The following PLEKHA5 variants were observed in gnomAD, a reference collection of about 807,000 sequenced individuals.
PLEKHA5 encodes the protein pleckstrin homology domain containing A5.
PLEKHA5 carries 55 observed loss-of-function variants against 181.9 expected under a neutral mutation model. The ratio of observed to expected loss-of-function variants is 0.30; its 90% CI spans 0.24 to 0.38. The LOEUF is 0.38. PLEKHA5 is among the 10% of genes least tolerant of loss of function. The probability of loss-of-function intolerance (pLI) is 1.00; values close to 1 mark genes in which losing one functional copy is unlikely to be tolerated. For missense variants in PLEKHA5, 1,432 were observed against 1,549.5 expected (o/e 0.92, Z 1.27); for synonymous variants, 535 against 529.4 (o/e 1.01, Z -0.15).
intron 15 of PLEKHA5, among the ~76,000 whole-genome samples, chr12:19,307,737 A>G (rs1302309848): frequency 6.6e-6 from 1 of 152,040 alleles, no homozygotes; most frequent in Non-Finnish European, 1.5e-5. Context: ...CACATCAAAA[A>G]CGAGAGACAG....
intron 15 of PLEKHA5, among the ~76,000 whole-genome samples, chr12:19,305,844 A>G (rs192446444): frequency 7.5e-6 from 1 of 134,174 alleles, no homozygotes; most frequent in Non-Finnish European, 1.6e-5. Flanking sequence ...TGGGGCAACA[A>G]CAGCAAAACT....
chr12:19,290,391 T>A (rs2078162742), intron 13 of PLEKHA5, among the ~76,000 whole-genome samples: 1 of 152,256 alleles, frequency 6.6e-6, no homozygotes, highest in Non-Finnish European at 1.5e-5. Flanking sequence ...TAATGTTTTT[T>A]TGGCATTGTG....
chr12:19,199,297 T>G (rs2053652799), intron 3 of PLEKHA5, among the ~76,000 whole-genome samples: 1 of 152,182 alleles, frequency 6.6e-6, no homozygotes, highest in African/African-American at 2.4e-5. Context: ...AAAAAATGCC[T>G]TCTGTAGATA....
chr12:19,257,229 C>A (rs1294390758), intron 5 of PLEKHA5, among the ~76,000 whole-genome samples: 1 of 151,840 alleles, frequency 6.6e-6, no homozygotes, highest in East Asian at 1.9e-4. Context: ...CTTGTGATAC[C>A]CTGGGGGAAA....
chr12:19,211,958 A>G (rs532449735), intron 3 of PLEKHA5, among the ~76,000 whole-genome samples: 1 of 152,200 alleles, frequency 6.6e-6, no homozygotes, highest in African/African-American at 2.4e-5. Flanking sequence ...TTGGAAGGTC[A>G]GATAAACAAC....
At position 19,173,777 on chromosome 12, in the gene PLEKHA5, A is replaced by C. The variant is rs148096178; in HGVS notation, c.227+41327A>C. Among the ~76,000 whole-genome samples, 1,054 of 152,310 alleles carry C rather than the reference A, an allele frequency of 6.9e-3. 5 individuals carry two copies. Among genetic ancestry groups the C allele is most frequent in the Middle Eastern group, 0.027 (8 of 294 alleles). ...ATTTAAAAAGGCATCATGTATTTTT[A>C]TACTTTTTGAATTTGGCCAGGTCTC... On this transcript the variant is annotated intron_variant, in intron 3 of 31. Transcript: ENST00000429027.
At chr12:19,144,065 T>G (rs1211837465) in intron 3 of PLEKHA5, among the ~76,000 whole-genome samples, 2 of 152,178 alleles carry the variant, frequency 1.3e-5, no homozygotes, top group East Asian at 3.8e-4. Context: ...TGAGAACATA[T>G]AAGAATGTAT....
intron 6 of PLEKHA5, among the ~76,000 whole-genome samples, chr12:19,259,954 GTTTTTTC>G (rs1192286819): frequency 1.4e-3 from 209 of 151,588 alleles, no homozygotes; most frequent in African/African-American, 4.3e-3. Flanking sequence ...CTGGCCTCTC[GTTTTTTC>G]TTTTTTCTTT....
At chr12:19,299,655 T>A (rs919849307) in intron 15 of PLEKHA5, among the ~76,000 whole-genome samples, 5 of 152,224 alleles carry the variant, frequency 3.3e-5, no homozygotes, top group African/African-American at 9.6e-5. Context: ...AGAGTAGTAA[T>A]GTGAACCTTT....
intron 28 of PLEKHA5, among the ~76,000 whole-genome samples, chr12:19,361,143 C>G (rs1477626866): frequency 6.6e-6 from 1 of 152,066 alleles, no homozygotes. Context: ...AATTTATTAT[C>G]AGTAAATATT....
At chr12:19,146,702 A>C (rs1249080819) in intron 3 of PLEKHA5, among the ~76,000 whole-genome samples, 1 of 152,218 alleles carries the variant, frequency 6.6e-6, no homozygotes. Context: ...TTAGGAGTTC[A>C]GAACATAATA....
Position 19,361,681 on chromosome 12 carries a change from A to G in PLEKHA5, c.3583A>G (p.Lys1195Glu), listed in dbSNP as rs187330371. ...EMMDKERNKDKMPEDVTFSPQ... is the reference protein window; with the variant it reads ...EMMDKERNKDEMPEDVTFSPQ... ...GATGGATAAAGAAAGAAACAAAGAC[A>G]AAATGCCTGAGGATGTTACATTCAG... Residue 1195 changes from lysine to glutamate, a missense_variant, in exon 29 of 32, where the codon AAA becomes GAA. Lys to Glu is a moderately conservative substitution (Grantham distance 56, BLOSUM62 1). This residue lies in a region of PLEKHA5 where 1,143 missense variants were observed against 1,168.4 expected (regional missense o/e 0.98). Transcript: ENST00000429027. 5.3e-5 allele frequency: 85 copies of G among 1,600,724 alleles called. No homozygotes were observed. Among genetic ancestry groups the G allele is most frequent in the Non-Finnish European group, 3.0e-5 (35 of 1,171,960 alleles).
intron 20 of PLEKHA5, among the ~76,000 whole-genome samples, chr12:19,323,387 T>G (rs530794843): frequency 2.0e-5 from 3 of 152,052 alleles, no homozygotes; most frequent in African/African-American, 7.2e-5. Flanking sequence ...CCAGGTGTGG[T>G]GGCATGCACC....
At chr12:19,238,653 A>G (rs539700983) in intron 3 of PLEKHA5, among the ~76,000 whole-genome samples, 42 of 152,256 alleles carry the variant, frequency 2.8e-4, no homozygotes, top group African/African-American at 9.9e-4. Context: ...TACTGTGGTG[A>G]TGATGAATTG....
At chr12:19,283,078 C>T (rs910918761) in intron 11 of PLEKHA5, among the ~76,000 whole-genome samples, 3 of 122,996 alleles carry the variant, frequency 2.4e-5, no homozygotes, top group African/African-American at 9.4e-5. Flanking sequence ...GCCCAGGAGG[C>T]GGAGGTTGCA....
intron 13 of PLEKHA5, chr12:19,288,238 G>A (rs2077657787): frequency 5.7e-6 from 1 of 175,104 alleles, no homozygotes; most frequent in Non-Finnish European, 1.2e-5. Flanking sequence ...AGTTTTTCGT[G>A]TGAATTTTTA....
intron 3 of PLEKHA5, among the ~76,000 whole-genome samples, chr12:19,158,983 T>C (rs1162528458): frequency 6.6e-6 from 1 of 152,190 alleles, no homozygotes; most frequent in Non-Finnish European, 1.5e-5. Flanking sequence ...TCCTGAAAAA[T>C]TCAACTGATG....
At chr12:19,284,172 G>A (rs765666849) in intron 12 of PLEKHA5, among the ~76,000 whole-genome samples, 2 of 152,060 alleles carry the variant, frequency 1.3e-5, no homozygotes, top group Non-Finnish European at 1.5e-5. Context: ...GGGCTCAAGC[G>A]ATTCTCCTTC....
At chr12:19,279,939 A>G (rs917840781) in intron 11 of PLEKHA5, among the ~76,000 whole-genome samples, 3 of 151,674 alleles carry the variant, frequency 2.0e-5, no homozygotes, top group Admixed American at 6.6e-5. Context: ...TAAAGGTAAC[A>G]TAATTTTACT....
Sources: allele counts gnomAD v4.1 joint callset (sites outside exome capture counted in the v4.1 genomes callset), GRCh38; gene constraint gnomAD v4.1.1; regional missense constraint gnomAD v4.1.1; transcripts MANE v1.5; gene names NCBI Gene and HGNC (gene_info 2026-07-23, HGNC 2026-07-21).